PLA2G2A: variants seen among roughly 807,000 people sequenced by gnomAD.
The protein encoded by PLA2G2A is phospholipase A2, membrane associated.
Under a neutral mutation model 11.2 loss-of-function variants are expected in PLA2G2A, and 6 were observed. That is an observed-to-expected ratio of 0.54 (90% CI 0.29 to 1.06). PLA2G2A has a LOEUF of 1.06. Ranked by LOEUF, PLA2G2A falls within the 50% of genes least tolerant of loss-of-function variation. PLA2G2A has a pLI of 0.08. For synonymous variants in PLA2G2A, 69 were observed against 65.8 expected (o/e 1.05, Z -0.23); for missense variants, 133 against 177.1 (o/e 0.75, Z 1.41).
rs3061293 is a variant in PLA2G2A at position 19,978,973 on chromosome 1, GCACACACACACA to G, written c.-106-106_-106-95del. 8.3e-4 allele frequency: 474 copies of G among 573,266 alleles called. 2 individuals are homozygous for G. The highest frequency in any genetic ancestry group is 7.9e-3 in the African/African-American group (413 of 52,568). 35.5% of individuals were successfully genotyped at this position (573,266 alleles called of 1,614,324 possible). A position where few individuals can be genotyped will look rare whatever the true frequency, so the allele number is the denominator to read the frequency against. The stretch of plus-strand genomic sequence containing the variant: ...CACACAAGGAGTGCCCTCCAGCAAT[GCACACACACACA>G]CACACACACACACACAACCACCTCC... On this transcript the variant is annotated intron_variant, in intron 1 of 4. Coordinates refer to ENST00000482011, the Ensembl canonical transcript of PLA2G2A.
chr1:19,975,956 A>T, intron 4 of PLA2G2A, 113 bp from the exon 5 acceptor site: 1 of 867,936 alleles, frequency 1.2e-6, no homozygotes, highest in Non-Finnish European at 1.9e-6. Flanking sequence ...TCCTAGTTGG[A>T]GACAAACACC....
chr1:19,978,844 C>A, exon 2 of PLA2G2A: 1 of 1,466,182 alleles, frequency 6.8e-7, no homozygotes, highest in East Asian at 2.3e-5. Flanking sequence ...TCAACTTCTG[C>A]CCCGGCCGTC....
intron 4 of PLA2G2A, 109 bp from the exon 5 acceptor site, chr1:19,975,952 T>A (rs958346242): frequency 1.1e-6 from 1 of 926,656 alleles, no homozygotes; most frequent in African/African-American, 1.6e-5. Context: ...AAGCTCCTAG[T>A]TGGAGACAAA....
At chr1:19,975,815 C>G (rs572711942) in exon 5 of PLA2G2A, 1 of 1,614,002 alleles carries the variant, frequency 6.2e-7, no homozygotes, top group African/African-American at 1.3e-5. Flanking sequence ...CACACTCACA[C>G]AGTTGACTTC....
chr1:19,978,473 A>ATTCTTGG lies in PLA2G2A; in HGVS notation c.91_92insCCAAGAA (p.Leu31SerfsTer40). On this transcript the variant is annotated frameshift_variant, in exon 3 of 5. Coordinates refer to ENST00000482011, the Ensembl canonical transcript of PLA2G2A. LOFTEE classifies it high-confidence loss of function. ...GAGTGCGGCTTCCTTTCCTGTCGTC[A>ATTCTTGG]ACTTGATCATTCTGTGGAAATTCAC... 6.2e-7 allele frequency: 1 copy of ATTCTTGG among 1,613,890 alleles called. No individual in the cohort carries two copies. The highest frequency in any genetic ancestry group is 8.5e-7 in the Non-Finnish European group (1 of 1,180,006).
At chr1:19,978,579 C>A (rs11573161) in intron 2 of PLA2G2A, 55 bp from the exon 3 acceptor site, 2 of 1,601,756 alleles carry the variant, frequency 1.2e-6, no homozygotes, top group Non-Finnish European at 8.5e-7. Context: ...CTGCGCCCTC[C>A]CTCTCTGCCC....
chr1:19,977,497 C>A (rs1480296502), intron 4 of PLA2G2A, among the ~76,000 whole-genome samples: 1 of 152,206 alleles, frequency 6.6e-6, no homozygotes, highest in Non-Finnish European at 1.5e-5. Context: ...AGTGAGTCAT[C>A]TAAAATGCAA....
chr1:19,978,516 G>GC lies in PLA2G2A; in HGVS notation c.48dup (p.Gln17AlafsTer52), dbSNP rs2046257398. Reference sequence around the variant, plus strand: ...AAATTCACCAAATTCCCATGGGCCTGCAGTAGGCCTGGAAGGAAATTTGGG... The same window carrying GC: ...AAATTCACCAAATTCCCATGGGCCTGCCAGTAGGCCTGGAAGGAAATTTGGG... On this transcript the variant is annotated frameshift_variant, in exon 3 of 5. Transcript: ENST00000482011. LOFTEE classifies it high-confidence loss of function. 1 of 1,613,436 alleles carries GC rather than the reference G, an allele frequency of 6.2e-7. No individual in the cohort carries two copies. The highest frequency in any genetic ancestry group is 1.3e-5 in the African/African-American group (1 of 74,932).
At chr1:19,977,760 T>C (rs1337730009) in intron 4 of PLA2G2A, among the ~76,000 whole-genome samples, 1 of 152,204 alleles carries the variant, frequency 6.6e-6, no homozygotes, top group East Asian at 1.9e-4. Context: ...CTGCACAGCC[T>C]TTCAGACTCA....
chr1:19,976,692 G>C (rs967236874), intron 4 of PLA2G2A, among the ~76,000 whole-genome samples: 1 of 152,214 alleles, frequency 6.6e-6, no homozygotes, highest in Non-Finnish European at 1.5e-5. Flanking sequence ...TGAGTCAGCT[G>C]TCTGGGGACA....
chr1:19,978,216 G>A (rs1157776844), intron 3 of PLA2G2A, 95 bp from the exon 4 acceptor site: 1 of 1,337,664 alleles, frequency 7.5e-7, no homozygotes, highest in Non-Finnish European at 1.1e-6. Flanking sequence ...CAGAGACCCA[G>A]TGACTTTGCA....
At position 19,978,605 on chromosome 1, in the gene PLA2G2A, C is replaced by T. The variant is rs2046258652; in HGVS notation, c.41-81G>A. On this transcript the variant is annotated intron_variant, in intron 2 of 4. Coordinates refer to ENST00000482011, the Ensembl canonical transcript of PLA2G2A. The stretch of plus-strand genomic sequence containing the variant: ...CTCTCTGCCCCTCTCTGCTACTCTC[C>T]TTCCTCCCAAATGGCTTCTTTTTTC... 5.0e-6 allele frequency: 8 copies of T among 1,602,760 alleles called. No homozygotes were observed. The South Asian group carries it at 7.7e-5, about 15-fold the overall frequency.
intron 4 of PLA2G2A, 74 bp downstream of exon 4, chr1:19,977,941 C>T: frequency 3.3e-6 from 3 of 909,000 alleles, no homozygotes; most frequent in Non-Finnish European, 5.6e-6. Flanking sequence ...CTGTGTCTAT[C>T]TTTGGTGCCC....
At chr1:19,978,574 C>T in intron 2 of PLA2G2A, 50 bp from the exon 3 acceptor site, 1 of 1,609,334 alleles carries the variant, frequency 6.2e-7, no homozygotes, top group Non-Finnish European at 8.5e-7. Context: ...GGGTTCTGCG[C>T]CCTCCCTCTC....
At chr1:19,976,402 C>T (rs1328392036) in intron 4 of PLA2G2A, among the ~76,000 whole-genome samples, 1 of 152,144 alleles carries the variant, frequency 6.6e-6, no homozygotes, top group Non-Finnish European at 1.5e-5. Context: ...AGACACTGGC[C>T]ACGTGGCATA....
chr1:19,975,626 T>G, downstream of PLA2G2A: 1 of 1,394,210 alleles, frequency 7.2e-7, no homozygotes, highest in Non-Finnish European at 1.0e-6. Context: ...CCAAGGAACT[T>G]GGTTAGGGTA....
chr1:19,975,463 G>T, downstream of PLA2G2A: 1 of 576,686 alleles, frequency 1.7e-6, no homozygotes. Flanking sequence ...ATTCAGAAGA[G>T]ACCCCCCGGA....
At chr1:19,975,963 C>G in intron 4 of PLA2G2A, 120 bp from the exon 5 acceptor site, 2 of 807,278 alleles carry the variant, frequency 2.5e-6, no homozygotes, top group Non-Finnish European at 4.2e-6. Context: ...TGGAGACAAA[C>G]ACCTGCGCTC....
downstream of PLA2G2A, chr1:19,975,557 TGGGTATAGAAG>T (rs1276992528): frequency 6.8e-6 from 5 of 730,446 alleles, no homozygotes; most frequent in Non-Finnish European, 1.2e-5. Context: ...TCATTCTGGG[TGGGTATAGAAG>T]GGCTCCTGCC....
Sources: gnomAD v4.1 joint callset for allele counts (sites outside exome capture counted in the v4.1 genomes callset) on GRCh38, gnomAD v4.1.1 for gene constraint, MANE v1.5 for transcripts, NCBI Gene and HGNC (gene_info 2026-07-23, HGNC 2026-07-21) for gene names.